The following SDK1 variants were observed in gnomAD, a reference collection of about 807,000 sequenced individuals.
SDK1 encodes sidekick cell adhesion molecule 1.
SDK1 carries 157 observed loss-of-function variants against 245.5 expected under a neutral mutation model. The observed-to-expected ratio is 0.64, with a 90% CI of 0.56 to 0.73. SDK1 has a LOEUF of 0.73. Among genes scored for constraint, SDK1 ranks in the 30% least tolerant of loss-of-function variants. The pLI is 0.00. For missense variants in SDK1, 3,583 were observed against 3,002.3 expected, an observed-to-expected ratio of 1.19 and a Z score of -4.52; for synonymous variants, 1,647 against 1,278.5, an observed-to-expected ratio of 1.29 and a Z score of -6.15.
chr7:3,805,385 G>T (rs1008315760), intron 4 of SDK1, among the ~76,000 whole-genome samples: 2 of 152,148 alleles, frequency 1.3e-5, no homozygotes, highest in African/African-American at 4.8e-5. Flanking sequence ...TGCTCAAATT[G>T]CCCCTTTCTT....
At chr7:3,611,260 T>C (rs938307122) in intron 1 of SDK1, among the ~76,000 whole-genome samples, 1 of 152,178 alleles carries the variant, frequency 6.6e-6, no homozygotes, top group Non-Finnish European at 1.5e-5. Context: ...AGCCTGGGAA[T>C]TTGCTGTGAT....
At chr7:3,884,365 A>G (rs1781287818) in intron 5 of SDK1, among the ~76,000 whole-genome samples, 1 of 152,064 alleles carries the variant, frequency 6.6e-6, no homozygotes, top group Non-Finnish European at 1.5e-5. Context: ...AAGGAGTTCC[A>G]TGGGTTTGAA....
chr7:3,532,843 C>T lies in SDK1; in HGVS notation c.299-86237C>T, dbSNP rs370156705. On this transcript the variant is annotated intron_variant, in intron 1 of 44. Coordinates refer to ENST00000404826, the MANE Select transcript of SDK1 (RefSeq NM_152744.4). ...CTCCTCTGCGTTCTTGTCACATGGC[C>T]CTCTTTCAGGCTCTTTTCGTCTTTA... Among the ~76,000 whole-genome samples, 3 of 151,992 alleles carry T rather than the reference C, an allele frequency of 2.0e-5. No homozygotes were observed. The East Asian group carries it at 5.8e-4, about 30-fold the overall frequency.
At chr7:4,256,463 A>C (rs1249476916) in intron 44 of SDK1, among the ~76,000 whole-genome samples, 1 of 152,254 alleles carries the variant, frequency 6.6e-6, no homozygotes, top group Admixed American at 6.5e-5. Flanking sequence ...TTAGAGAAGA[A>C]AGCATTGCAG....
At chr7:3,380,708 G>T (rs1700010362) in intron 1 of SDK1, among the ~76,000 whole-genome samples, 1 of 152,192 alleles carries the variant, frequency 6.6e-6, no homozygotes, top group Non-Finnish European at 1.5e-5. Flanking sequence ...TTGATTTACT[G>T]TAGAGTACGG....
At chr7:4,246,160 G>A (rs954358684) in intron 44 of SDK1, among the ~76,000 whole-genome samples, 7 of 152,276 alleles carry the variant, frequency 4.6e-5, no homozygotes, top group Admixed American at 3.3e-4. Context: ...CGCAGGTTCC[G>A]ACTCCTAAGT....
intron 11 of SDK1, among the ~76,000 whole-genome samples, chr7:3,969,725 G>A (rs1051242692): frequency 6.6e-6 from 1 of 152,090 alleles, no homozygotes; most frequent in African/African-American, 2.4e-5. Context: ...TTGATAGGTT[G>A]GTTAATTTTA....
At position 3,831,623 on chromosome 7, in the gene SDK1, T is replaced by TG. The variant is rs1417042498; in HGVS notation, c.847+10040_847+10041insG. On this transcript the variant is annotated intron_variant, in intron 5 of 44. Transcript: ENST00000404826. The stretch of plus-strand genomic sequence containing the variant: ...TAGGCCTGATATCCTATGGTTTAAC[T>TG]TCAGTTTCCAATTTTAAGGACAGAA... 3.9e-5 allele frequency among the ~76,000 whole-genome samples: 6 copies of TG among 152,270 alleles called. No individual in the cohort carries two copies. The East Asian group carries it at 1.2e-3, about 29-fold the overall frequency.
At position 3,897,745 on chromosome 7, in the gene SDK1, C is replaced by CTGTG. The variant is rs56863215; in HGVS notation, c.848-53160_848-53157dup. ...CATGTAGTTCAACTTGTTTTTACAGCTGTGTGTGTGTGTGTGTGTGTTATA... is the reference window on the plus strand; with the variant it reads ...CATGTAGTTCAACTTGTTTTTACAGCTGTGTGTGTGTGTGTGTGTGTGTGTTATA... On this transcript the variant is annotated intron_variant, in intron 5 of 44. Coordinates refer to ENST00000404826, the MANE Select transcript of SDK1 (RefSeq NM_152744.4). 8.8e-3 allele frequency among the ~76,000 whole-genome samples: 1,321 copies of CTGTG among 150,168 alleles called. 21 individuals carry two copies. The highest frequency in any genetic ancestry group is 0.03 in the African/African-American group (1,237 of 41,312).
At chr7:4,100,900 C>G (rs538771140) in intron 22 of SDK1, among the ~76,000 whole-genome samples, 1 of 152,318 alleles carries the variant, frequency 6.6e-6, no homozygotes, top group Non-Finnish European at 1.5e-5. Flanking sequence ...CCAGACTCAT[C>G]TGCCCCTCCT....
intron 1 of SDK1, among the ~76,000 whole-genome samples, chr7:3,536,769 A>G (rs1011870534): frequency 1.8e-4 from 28 of 152,132 alleles, no homozygotes; most frequent in African/African-American, 6.0e-4. Flanking sequence ...AATGTTAACA[A>G]TACTTGTATT....
intron 5 of SDK1, among the ~76,000 whole-genome samples, chr7:3,869,043 G>A (rs1414061341): frequency 6.6e-6 from 1 of 151,940 alleles, no homozygotes; most frequent in Non-Finnish European, 1.5e-5. Flanking sequence ...TGGTGATTCT[G>A]TGTGGGAGAT....
chr7:4,039,479 G>C (rs2128161551), intron 17 of SDK1, among the ~76,000 whole-genome samples: 1 of 152,168 alleles, frequency 6.6e-6, no homozygotes, highest in African/African-American at 2.4e-5. Flanking sequence ...TATTTTGATT[G>C]CATACATCCT....
intron 1 of SDK1, among the ~76,000 whole-genome samples, chr7:3,394,702 A>G (rs1057487949): frequency 1.3e-5 from 2 of 152,062 alleles, no homozygotes; most frequent in African/African-American, 2.4e-5. Context: ...TCAAAGCTTT[A>G]TAATTTTTAC....
chr7:4,113,199 C>T, intron 23 of SDK1, 90 bp from the exon 24 acceptor site: 1 of 1,384,234 alleles, frequency 7.2e-7, no homozygotes, highest in African/African-American at 1.4e-5. Context: ...CTGAGCCCTC[C>T]CTTGAGAAAC....
chr7:3,610,417 T>C (rs898205532), intron 1 of SDK1, among the ~76,000 whole-genome samples: 1 of 152,238 alleles, frequency 6.6e-6, no homozygotes, highest in African/African-American at 2.4e-5. Flanking sequence ...TTACTCTTAT[T>C]TTGGTTGGTC....
At chr7:4,178,713 G>C (rs1283551170) in intron 35 of SDK1, 127 bp downstream of exon 35, 2 of 666,718 alleles carry the variant, frequency 3.0e-6, no homozygotes, top group Non-Finnish European at 5.3e-6. Flanking sequence ...ATTGCTGTCG[G>C]GGCTGAGGTC....
At chr7:3,962,874 C>T in intron 9 of SDK1, 23 bp downstream of exon 9, 2 of 1,587,408 alleles carry the variant, frequency 1.3e-6, no homozygotes, top group Non-Finnish European at 8.6e-7. Context: ...AGGCCCACAG[C>T]TACCTGACCT....
chr7:3,851,324 T>C (rs1780414640), intron 5 of SDK1, among the ~76,000 whole-genome samples: 1 of 152,224 alleles, frequency 6.6e-6, no homozygotes. Flanking sequence ...GGAATTATTC[T>C]ATTTTCATAT....
Sources: gnomAD v4.1 joint callset for allele counts (sites outside exome capture counted in the v4.1 genomes callset) on GRCh38, gnomAD v4.1.1 for gene constraint, MANE v1.5 for transcripts, NCBI Gene and HGNC (gene_info 2026-07-23, HGNC 2026-07-21) for gene names.